NELL1: variants seen among roughly 807,000 people sequenced by gnomAD.
The protein encoded by NELL1 is protein kinase C-binding protein NELL1.
Under a neutral mutation model 107.4 loss-of-function variants are expected in NELL1, and 76 were observed. The observed-to-expected ratio is 0.71, with a 90% confidence interval of 0.59 to 0.86. The LOEUF (loss-of-function observed/expected upper bound fraction) is 0.86. NELL1 is among the 40% of genes least tolerant of loss of function. NELL1 has a pLI of 0.00. For missense variants in NELL1, 1,024 were observed against 1,005.5 expected (o/e 1.02, Z -0.25); for synonymous variants, 353 against 341.2 (o/e 1.03, Z -0.38).
At chr11:21,410,724 T>C (rs1852354417) in intron 15 of NELL1, among the ~76,000 whole-genome samples, 1 of 152,072 alleles carries the variant, frequency 6.6e-6, no homozygotes, top group Non-Finnish European at 1.5e-5. Flanking sequence ...CGTCTCCTTA[T>C]CTCAGTGGAG....
intron 12 of NELL1, among the ~76,000 whole-genome samples, chr11:21,029,555 A>G (rs1203190550): frequency 6.6e-6 from 1 of 152,088 alleles, no homozygotes; most frequent in African/African-American, 2.4e-5. Flanking sequence ...TGAGGTGTGA[A>G]TCCCTGTGCA....
At chr11:21,069,663 A>G (rs772046442) in intron 12 of NELL1, among the ~76,000 whole-genome samples, 3 of 152,252 alleles carry the variant, frequency 2.0e-5, no homozygotes, top group African/African-American at 7.2e-5. Flanking sequence ...TATGTTTAAA[A>G]TTAACTAGAT....
intron 12 of NELL1, among the ~76,000 whole-genome samples, chr11:21,097,554 A>G (rs1014775812): frequency 3.9e-4 from 59 of 152,054 alleles, no homozygotes; most frequent in Admixed American, 3.7e-3. Context: ...TGAGGTACAG[A>G]GGTGGAGTGT....
intron 13 of NELL1, among the ~76,000 whole-genome samples, chr11:21,146,245 A>G (rs1855975793): frequency 6.7e-6 from 1 of 150,264 alleles, no homozygotes; most frequent in Non-Finnish European, 1.5e-5. Flanking sequence ...AAAACATTTT[A>G]TTCCTGAATA....
chr11:21,033,617 TA>T (rs1455290922), intron 12 of NELL1, among the ~76,000 whole-genome samples: 1 of 151,440 alleles, frequency 6.6e-6, no homozygotes, highest in Admixed American at 6.6e-5. Context: ...ATGTACCATA[TA>T]TTTTTTTAAT....
intron 1 of NELL1, among the ~76,000 whole-genome samples, chr11:20,672,407 G>T (rs192876043): frequency 6.6e-6 from 1 of 152,316 alleles, no homozygotes; most frequent in East Asian, 1.9e-4. Context: ...CTGAGTAGAT[G>T]ATATCAGGCA....
chr11:20,737,886 A>C (rs1225390721), intron 2 of NELL1, among the ~76,000 whole-genome samples: 1 of 151,368 alleles, frequency 6.6e-6, no homozygotes, highest in Non-Finnish European at 1.5e-5. Flanking sequence ...CAATGCTCAG[A>C]GTTGGAACGA....
chr11:21,243,458 A>G (rs757579980), intron 14 of NELL1, among the ~76,000 whole-genome samples: 1 of 152,136 alleles, frequency 6.6e-6, no homozygotes, highest in Non-Finnish European at 1.5e-5. Flanking sequence ...TTTACAGATA[A>G]GAAAACTGAG....
chr11:20,829,294 G>A (rs1857953877), intron 3 of NELL1, among the ~76,000 whole-genome samples: 2 of 141,572 alleles, frequency 1.4e-5, no homozygotes, highest in Non-Finnish European at 3.0e-5. Flanking sequence ...TGGTGCAATC[G>A]CGGCTCACTG....
chr11:20,837,524 C>T (rs1226456511), intron 3 of NELL1, among the ~76,000 whole-genome samples: 2 of 152,092 alleles, frequency 1.3e-5, no homozygotes, highest in Non-Finnish European at 2.9e-5. Flanking sequence ...ATCTTGATTT[C>T]GCATACCATT....
At chr11:21,048,483 T>C (rs1207332638) in intron 12 of NELL1, among the ~76,000 whole-genome samples, 1 of 152,154 alleles carries the variant, frequency 6.6e-6, no homozygotes, top group Non-Finnish European at 1.5e-5. Context: ...CTTTGTTCCT[T>C]TTACAATCCT....
intron 2 of NELL1, among the ~76,000 whole-genome samples, chr11:20,704,088 A>G (rs1854873775): frequency 6.6e-6 from 1 of 152,036 alleles, no homozygotes; most frequent in Non-Finnish European, 1.5e-5. Context: ...TGATCTGTGT[A>G]ATGTTGACAG....
chr11:21,338,138 C>T (rs1462670059), intron 14 of NELL1, among the ~76,000 whole-genome samples: 2 of 151,948 alleles, frequency 1.3e-5, no homozygotes, highest in Admixed American at 1.3e-4. Context: ...ATGTGATGTA[C>T]AGATATAATG....
intron 13 of NELL1, among the ~76,000 whole-genome samples, chr11:21,122,506 C>T (rs1855392495): frequency 6.6e-6 from 1 of 152,064 alleles, no homozygotes; most frequent in Non-Finnish European, 1.5e-5. Flanking sequence ...ATTGTTATTT[C>T]TGTACTTTTT....
chr11:21,496,010 T>C (rs1363646262), intron 15 of NELL1, among the ~76,000 whole-genome samples: 1 of 152,112 alleles, frequency 6.6e-6, no homozygotes, highest in Non-Finnish European at 1.5e-5. Context: ...GCTTTCTATT[T>C]TGAAAATGTG....
chr11:20,710,028 G>T (rs1855072022), intron 2 of NELL1, among the ~76,000 whole-genome samples: 1 of 152,120 alleles, frequency 6.6e-6, no homozygotes, highest in Non-Finnish European at 1.5e-5. Flanking sequence ...TTACAGATTT[G>T]GATGCCGTTT....
At chr11:21,208,326 A>T (rs1257122615) in intron 13 of NELL1, among the ~76,000 whole-genome samples, 1 of 151,894 alleles carries the variant, frequency 6.6e-6, no homozygotes, top group Non-Finnish European at 1.5e-5. Context: ...ACTCCCGTTT[A>T]TCTTCTCTTC....
intron 13 of NELL1, among the ~76,000 whole-genome samples, chr11:21,144,405 A>T (rs1028528927): frequency 6.6e-6 from 1 of 152,198 alleles, no homozygotes; most frequent in Admixed American, 6.5e-5. Flanking sequence ...ACATCCCTGC[A>T]TCTGTTTTTG....
chr11:21,098,821 T>A (rs11025913), intron 12 of NELL1, among the ~76,000 whole-genome samples: 13 of 152,058 alleles, frequency 8.5e-5, no homozygotes, highest in South Asian at 4.2e-4. Flanking sequence ...TCTCTCTCTC[T>A]CTGTCTGCCT....
Sources: gnomAD v4.1 joint callset for allele counts (sites outside exome capture counted in the v4.1 genomes callset) on GRCh38, gnomAD v4.1.1 for gene constraint, MANE v1.5 for transcripts, NCBI Gene and HGNC (gene_info 2026-07-23, HGNC 2026-07-21) for gene names.